The following BBS9 variants were observed in gnomAD, a reference collection of about 807,000 sequenced individuals.
BBS9 encodes the protein protein PTHB1.
In BBS9, 89 loss-of-function variants were observed where a neutral mutation model predicts 117.7. The ratio of observed to expected loss-of-function variants is 0.76; its 90% CI spans 0.64 to 0.90. The LOEUF (loss-of-function observed/expected upper bound fraction) is 0.90. BBS9 is among the 40% of genes least tolerant of loss of function. The pLI, the probability that BBS9 is intolerant of heterozygous loss-of-function variation, is 0.00. For synonymous variants in BBS9, 379 were observed against 370.9 expected, an observed-to-expected ratio of 1.02 and a Z score of -0.25; for missense variants, 982 against 1,042.2, an observed-to-expected ratio of 0.94 and a Z score of 0.80.
At chr7:33,395,211 T>C (rs764868603) in intron 19 of BBS9, among the ~76,000 whole-genome samples, 1 of 152,222 alleles carries the variant, frequency 6.6e-6, no homozygotes, top group Non-Finnish European at 1.5e-5. Flanking sequence ...AAATTATATC[T>C]GAAACAAGTA....
intron 21 of BBS9, among the ~76,000 whole-genome samples, chr7:33,537,747 G>A (rs190044343): frequency 6.6e-6 from 1 of 152,238 alleles, no homozygotes; most frequent in Admixed American, 6.5e-5. Context: ...TTTTGCAGGA[G>A]GCTTCCTTTT....
At chr7:33,469,489 G>A (rs1214136501) in intron 19 of BBS9, among the ~76,000 whole-genome samples, 6 of 152,138 alleles carry the variant, frequency 3.9e-5, no homozygotes, top group African/African-American at 1.4e-4. Flanking sequence ...AGACAGGAGG[G>A]ATATCATTAC....
chr7:33,525,842 C>A (rs1487763555), intron 20 of BBS9, among the ~76,000 whole-genome samples: 1 of 149,504 alleles, frequency 6.7e-6, no homozygotes. Flanking sequence ...TCTTCCTAGT[C>A]TCGATGGTCT....
chr7:33,487,647 A>G (rs965561651), intron 19 of BBS9, among the ~76,000 whole-genome samples: 1 of 152,090 alleles, frequency 6.6e-6, no homozygotes, highest in Non-Finnish European at 1.5e-5. Flanking sequence ...TGCTGGAGGA[A>G]GAGATCTGGG....
At chr7:33,623,998 A>AT (rs5883411) in intron 21 of BBS9, among the ~76,000 whole-genome samples, 87,151 of 150,846 alleles carry the variant, frequency 0.58, 30,193 homozygotes, top group Non-Finnish European at 0.76. Flanking sequence ...AAAAAAAAAA[A>AT]TCATATAAGT....
rs114084293 is a variant in BBS9, at chr7:33,293,100, G to A, written c.1016+19144G>A. Among the ~76,000 whole-genome samples, 513 of 151,748 alleles carry A rather than the reference G, an allele frequency of 3.4e-3. 3 individuals are homozygous for A. The highest frequency in any genetic ancestry group is 0.012 in the African/African-American group (496 of 41,388). On this transcript the variant is annotated intron_variant, in intron 9 of 22. Transcript: ENST00000242067. ...CAGTCATGAGTTCAAGTGTTTTTAT[G>A]TACAAAATTTCTCATACCACTTTCA...
At chr7:33,548,975 C>T (rs1432033504) in intron 21 of BBS9, among the ~76,000 whole-genome samples, 2 of 151,314 alleles carry the variant, frequency 1.3e-5, no homozygotes, top group East Asian at 1.9e-4. Context: ...CCAAGGCAAT[C>T]CTAAGCCAAA....
At chr7:33,242,734 A>G in intron 5 of BBS9, among the ~76,000 whole-genome samples, 1 of 152,168 alleles carries the variant, frequency 6.6e-6, no homozygotes, top group East Asian at 1.9e-4. Context: ...TGCTAAAGTG[A>G]AATATTTAAC....
intron 21 of BBS9, among the ~76,000 whole-genome samples, chr7:33,596,315 T>TGA (rs1434236620): frequency 6.6e-6 from 1 of 150,732 alleles, no homozygotes; most frequent in Non-Finnish European, 1.5e-5. Flanking sequence ...TATGTGTGTG[T>TGA]GACTATTGAT....
intron 5 of BBS9, among the ~76,000 whole-genome samples, chr7:33,234,884 T>A (rs1793187681): frequency 6.6e-6 from 1 of 152,110 alleles, no homozygotes; most frequent in Non-Finnish European, 1.5e-5. Flanking sequence ...TTTTCAACAT[T>A]CATTGTTTCA....
At chr7:33,467,453 C>T (rs1477821100) in intron 19 of BBS9, among the ~76,000 whole-genome samples, 3 of 152,028 alleles carry the variant, frequency 2.0e-5, no homozygotes, top group African/African-American at 7.2e-5. Context: ...CTAGTTTACA[C>T]AAATAAGTCT....
chr7:33,231,881 A>T (rs1792521209), intron 5 of BBS9, among the ~76,000 whole-genome samples: 1 of 152,054 alleles, frequency 6.6e-6, no homozygotes, highest in South Asian at 2.1e-4. Context: ...CCTATATGCC[A>T]TTATGGGATA....
chr7:33,305,353 G>T (rs150643026), intron 9 of BBS9, among the ~76,000 whole-genome samples: 3 of 152,168 alleles, frequency 2.0e-5, no homozygotes, highest in African/African-American at 4.8e-5. Flanking sequence ...AGGGATACTA[G>T]CCTTTAGTTT....
At chr7:33,343,600 G>A (rs1816960150) in intron 11 of BBS9, among the ~76,000 whole-genome samples, 1 of 151,738 alleles carries the variant, frequency 6.6e-6, no homozygotes, top group Non-Finnish European at 1.5e-5. Context: ...CCGGGTTCAA[G>A]CAATTCTCCT....
At chr7:33,144,125 T>C (rs1219635866) in intron 1 of BBS9, among the ~76,000 whole-genome samples, 2 of 152,216 alleles carry the variant, frequency 1.3e-5, no homozygotes, top group Non-Finnish European at 2.9e-5. Context: ...CAGTAACTTT[T>C]AGTAACCTTC....
intron 21 of BBS9, among the ~76,000 whole-genome samples, chr7:33,534,765 A>G (rs1047039224): frequency 6.6e-6 from 1 of 152,156 alleles, no homozygotes; most frequent in Non-Finnish European, 1.5e-5. Flanking sequence ...TCCCATGGTC[A>G]TAGGGGCTGA....
chr7:33,424,834 A>G (rs1051335130), intron 19 of BBS9, among the ~76,000 whole-genome samples: 1 of 152,142 alleles, frequency 6.6e-6, no homozygotes, highest in African/African-American at 2.4e-5. Context: ...ATATGGAGTA[A>G]CTGAAGTTCC....
chr7:33,437,481 A>G (rs554765659), intron 19 of BBS9, among the ~76,000 whole-genome samples: 1 of 152,248 alleles, frequency 6.6e-6, no homozygotes, highest in Admixed American at 6.5e-5. Context: ...TGAATTTCAC[A>G]TAAATTCTTT....
chr7:33,317,020 T>C (rs1489404869), intron 9 of BBS9, among the ~76,000 whole-genome samples: 1 of 152,242 alleles, frequency 6.6e-6, no homozygotes, highest in Non-Finnish European at 1.5e-5. Flanking sequence ...AGGTCTGTGA[T>C]CCATCTCAAA....
Sources: gnomAD v4.1 joint callset for allele counts (sites outside exome capture counted in the v4.1 genomes callset) on GRCh38, gnomAD v4.1.1 for gene constraint, MANE v1.5 for transcripts, NCBI Gene and HGNC (gene_info 2026-07-23, HGNC 2026-07-21) for gene names.